The following ABLIM1 variants were observed in gnomAD, a reference collection of about 807,000 sequenced individuals.
ABLIM1 encodes the protein actin-binding LIM protein 1.
A neutral mutation model predicts 107.0 loss-of-function variants in ABLIM1; 40 were observed. That is an observed-to-expected ratio of 0.37 (90% CI 0.29 to 0.49). The LOEUF (loss-of-function observed/expected upper bound fraction) is 0.49. Among genes scored for constraint, ABLIM1 ranks in the 20% least tolerant of loss-of-function variants. ABLIM1 has a pLI of 0.97. For synonymous variants in ABLIM1, 357 were observed against 357.3 expected, an observed-to-expected ratio of 1.00 and a Z score of 0.01; for missense variants, 857 against 1,008.5, an observed-to-expected ratio of 0.85 and a Z score of 2.04.
At chr10:114,527,490 C>T (rs751968981) in intron 6 of ABLIM1, among the ~76,000 whole-genome samples, 58 of 152,136 alleles carry the variant, frequency 3.8e-4, no homozygotes, top group African/African-American at 1.0e-3. Flanking sequence ...TCATTTTCAA[C>T]GAAACCATCC....
chr10:114,515,089 A>G (rs987555566), intron 6 of ABLIM1, among the ~76,000 whole-genome samples: 4 of 152,204 alleles, frequency 2.6e-5, no homozygotes, highest in African/African-American at 9.6e-5. Flanking sequence ...GCGTGCATAA[A>G]ATCACATTAA....
At chr10:114,683,982 C>T (rs1025775704) in intron 1 of ABLIM1, among the ~76,000 whole-genome samples, 1 of 152,160 alleles carries the variant, frequency 6.6e-6, no homozygotes, top group African/African-American at 2.4e-5. Context: ...CTGAAGATGC[C>T]TTTTAATGTG....
chr10:114,622,765 TCTC>T lies in ABLIM1; in HGVS notation c.245-20807_245-20805del, dbSNP rs377077168. Among the ~76,000 whole-genome samples, 602 of 152,186 alleles carry T rather than the reference TCTC, an allele frequency of 4.0e-3. 3 individuals carry two copies. The highest frequency in any genetic ancestry group is 0.014 in the African/African-American group (575 of 41,504). ...AAGACCAAACCCTCCTCTTCTTCCT[TCTC>T]CTCACCTGCTCAGCATAAAGACAAG... On this transcript the variant is annotated intron_variant, in intron 1 of 22. Transcript: ENST00000533213.
intron 4 of ABLIM1, among the ~76,000 whole-genome samples, chr10:114,558,902 A>AGTGTGTGTGTGTGTGTGTGTGTGTGTGT (rs377352513): frequency 8.1e-5 from 12 of 148,606 alleles, no homozygotes; most frequent in African/African-American, 2.8e-4. Flanking sequence ...AGGGAGAACT[A>AGTGTGTGTGTGTGTGTGTGTGTGTGTGT]GTGTGTGTGT....
At chr10:114,663,954 T>A (rs1442657969) in intron 1 of ABLIM1, among the ~76,000 whole-genome samples, 1 of 152,166 alleles carries the variant, frequency 6.6e-6, no homozygotes, top group African/African-American at 2.4e-5. Context: ...AATGGCACCG[T>A]TTGAAGTATT....
At chr10:114,729,154 A>C (rs2082021999) in intron 1 of ABLIM1, among the ~76,000 whole-genome samples, 1 of 152,114 alleles carries the variant, frequency 6.6e-6, no homozygotes, top group Non-Finnish European at 1.5e-5. Context: ...AGGCCTAGGG[A>C]AAGTACTTGA....
chr10:114,736,616 G>A (rs186417348), intron 1 of ABLIM1, among the ~76,000 whole-genome samples: 3 of 152,282 alleles, frequency 2.0e-5, no homozygotes, highest in Admixed American at 2.0e-4. Context: ...ACACATGACA[G>A]GGTAGTCTGA....
chr10:114,705,991 T>C (rs992487223), intron 1 of ABLIM1, among the ~76,000 whole-genome samples: 10 of 152,202 alleles, frequency 6.6e-5, no homozygotes, highest in African/African-American at 2.4e-4. Context: ...GCAGTCATCA[T>C]TCTTACCCTA....
intron 1 of ABLIM1, among the ~76,000 whole-genome samples, chr10:114,740,995 T>C (rs182928782): frequency 0.015 from 2,256 of 150,098 alleles, 29 homozygotes; most frequent in Non-Finnish European, 0.024. Flanking sequence ...ATCACACCAC[T>C]GCACTCCAAC....
the ABLIM1 span, among the ~76,000 whole-genome samples, chr10:114,787,688 C>G: frequency 7.3e-6 from 1 of 136,212 alleles, no homozygotes; most frequent in African/African-American, 2.6e-5. Context: ...GGCCAGCCAC[C>G]CCGTCCGGGA....
upstream of ABLIM1, among the ~76,000 whole-genome samples, chr10:114,772,560 T>C (rs928798759): frequency 3.3e-5 from 5 of 152,088 alleles, no homozygotes; most frequent in South Asian, 6.2e-4. Context: ...TGAGCTATGA[T>C]TGCATCACTG....
chr10:114,574,769 T>G (rs576075684), intron 3 of ABLIM1, among the ~76,000 whole-genome samples: 2 of 152,288 alleles, frequency 1.3e-5, no homozygotes, highest in East Asian at 3.9e-4. Flanking sequence ...CAAGCTGGTT[T>G]GCACAGTTAA....
intron 8 of ABLIM1, among the ~76,000 whole-genome samples, chr10:114,477,618 C>T (rs930677369): frequency 4.6e-5 from 7 of 152,184 alleles, no homozygotes; most frequent in Admixed American, 1.3e-4. Context: ...GAACAACGCA[C>T]GCACATGTAG....
chr10:114,585,940 G>C (rs1405616505), intron 2 of ABLIM1, among the ~76,000 whole-genome samples: 1 of 152,162 alleles, frequency 6.6e-6, no homozygotes, highest in Non-Finnish European at 1.5e-5. Context: ...CACTTCTTAT[G>C]CTTTATGTCT....
intron 7 of ABLIM1, among the ~76,000 whole-genome samples, chr10:114,489,841 C>T (rs7899160): frequency 0.015 from 2,326 of 152,320 alleles, 51 homozygotes; most frequent in African/African-American, 0.051. Flanking sequence ...ACAAAGGCTA[C>T]GGAAGCACAA....
At chr10:114,491,321 T>C (rs982972059) in intron 7 of ABLIM1, among the ~76,000 whole-genome samples, 8 of 152,086 alleles carry the variant, frequency 5.3e-5, no homozygotes, top group African/African-American at 1.7e-4. Flanking sequence ...TGAGATTTTC[T>C]TTTTGAAAAC....
chr10:114,699,973 G>GT (rs562124972), intron 1 of ABLIM1, among the ~76,000 whole-genome samples: 19 of 151,686 alleles, frequency 1.3e-4, no homozygotes, highest in South Asian at 6.3e-4. Context: ...TCTATTCTTT[G>GT]TTTTTTTTCA....
At chr10:114,774,829 C>T in the ABLIM1 span, among the ~76,000 whole-genome samples, 3 of 151,868 alleles carry the variant, frequency 2.0e-5, no homozygotes, top group Non-Finnish European at 2.9e-5. Flanking sequence ...GGAACCAAGG[C>T]GGAGATAAGA....
At position 114,619,404 on chromosome 10, in the gene ABLIM1, C is replaced by T. The variant is rs1388800487; in HGVS notation, c.245-17443G>A. On this transcript the variant is annotated intron_variant, in intron 1 of 22. Transcript: ENST00000533213. This position sits in a 1 kb window ranked among gnomAD's most constrained non-coding sequence, Gnocchi z 4.1. Reference sequence around the variant, plus strand: ...TAGAGACGAGGTTTCACTATGTTGCCCAGGCTGGTCTCGAACTCCTGACCT... The same window carrying T: ...TAGAGACGAGGTTTCACTATGTTGCTCAGGCTGGTCTCGAACTCCTGACCT... Among the ~76,000 whole-genome samples, 2 of 151,958 alleles carry T rather than the reference C, an allele frequency of 1.3e-5. No individual in the cohort carries two copies. Among genetic ancestry groups the T allele is most frequent in the Non-Finnish European group, 2.9e-5 (2 of 67,984 alleles).
Sources: allele counts gnomAD v4.1 joint callset (sites outside exome capture counted in the v4.1 genomes callset), GRCh38; gene constraint gnomAD v4.1.1; non-coding constraint Gnocchi (gnomAD v3.1); transcripts MANE v1.5; gene names NCBI Gene and HGNC (gene_info 2026-07-23, HGNC 2026-07-21).